Variants in NLRP12 observed in about 807,000 individuals in gnomAD.
NLRP12 encodes NLR family pyrin domain containing 12.
Under a neutral mutation model 91.2 loss-of-function variants are expected in NLRP12, and 108 were observed. The observed-to-expected ratio is 1.18, with a 90% confidence interval of 1.01 to 1.39. The LOEUF (loss-of-function observed/expected upper bound fraction) is 1.39, where lower values mean the gene tolerates loss of function less well. Among genes scored for constraint, NLRP12 ranks in the 40% most tolerant of loss-of-function variants. The pLI, the probability that NLRP12 is intolerant of heterozygous loss-of-function variation, is 0.00. For synonymous variants in NLRP12, 613 were observed against 566.7 expected, an observed-to-expected ratio of 1.08 and a Z score of -1.16; for missense variants, 1,530 against 1,352.7, an observed-to-expected ratio of 1.13 and a Z score of -2.06.
At chr19:53,809,426 G>A (rs976136615) in intron 3 of NLRP12, among the ~76,000 whole-genome samples, 161 bp downstream of exon 3, 8 of 149,600 alleles carry the variant, frequency 5.3e-5, no homozygotes, top group Admixed American at 2.7e-4. Flanking sequence ...AGCTACTTGG[G>A]AGGCTGAAGC....
chr19:53,808,397 C>T (rs562864662), intron 3 of NLRP12: 1 of 157,550 alleles, frequency 6.3e-6, no homozygotes, highest in Non-Finnish European at 1.4e-5. Flanking sequence ...TTCACACAGT[C>T]TTCTGTCTAC....
At chr19:53,794,568 C>T (rs760625627) in intron 9 of NLRP12, among the ~76,000 whole-genome samples, 3 of 42,738 alleles carry the variant, frequency 7.0e-5, no homozygotes, top group South Asian at 1.0e-3. Context: ...GATCCGCCCA[C>T]CTCGGCCTCC....
At position 53,811,132 on chromosome 19, in the gene NLRP12, AGCT is replaced by A. The variant is rs1169652724; in HGVS notation, c.524_526del (p.Gln175del). 1.9e-6 allele frequency: 3 copies of A among 1,613,960 alleles called. No homozygotes were observed. Among genetic ancestry groups the A allele is most frequent in the Admixed American group, 1.7e-5 (1 of 59,966 alleles). Reference sequence around the variant, plus strand: ...CGCGTGTCCCCGGCCTGTGTCCAGAAGCTGCTGCTGGACCTGCATGGGGTTTGA... The same window carrying A: ...CGCGTGTCCCCGGCCTGTGTCCAGAAGCTGCTGGACCTGCATGGGGTTTGA... On this transcript the variant is annotated inframe_deletion, in exon 3 of 10. Coordinates refer to ENST00000324134, the MANE Select transcript of NLRP12 (RefSeq NM_144687.4).
In NLRP12 at chr19:53,793,970, C is replaced by T. The variant is rs1472082253; in HGVS notation, c.*79G>A. On this transcript the variant is annotated 3_prime_UTR_variant, in exon 10 of 10. Transcript: ENST00000324134. ...GTCTGTCTCTAGGAAGGAGGCTGAT[C>T]ATTATGCTGGGGGGGTGATGAGCAC... is the stretch of plus-strand genomic sequence containing the variant. The T allele has an allele frequency of 1.9e-5, 18 of 967,226 alleles. No individual in the cohort carries two copies. The East Asian group carries it at 4.0e-4, about 22-fold the overall frequency. The allele number at this position is 967,226 out of a possible 1,614,324, so 59.9% of individuals were successfully genotyped here. A position where few individuals can be genotyped will look rare whatever the true frequency, so the allele number is the denominator to read the frequency against.
intron 1 of NLRP12, among the ~76,000 whole-genome samples, chr19:53,817,682 G>A (rs995304210): frequency 1.3e-5 from 2 of 152,016 alleles, no homozygotes; most frequent in Non-Finnish European, 2.9e-5. Flanking sequence ...GTTGCAGTGA[G>A]CCGAGATCGC....
At chr19:53,797,033 C>T (rs2091776720) in intron 8 of NLRP12, among the ~76,000 whole-genome samples, 1 of 151,914 alleles carries the variant, frequency 6.6e-6, no homozygotes, top group Non-Finnish European at 1.5e-5. Context: ...TCATCCCATT[C>T]TAAGTCCTTC....
At chr19:53,812,627 C>T (rs574405040) in intron 2 of NLRP12, among the ~76,000 whole-genome samples, 8 of 152,054 alleles carry the variant, frequency 5.3e-5, no homozygotes, top group Admixed American at 1.3e-4. Context: ...CCCCGAAATG[C>T]CAACAGTGCC....
chr19:53,814,669 C>T (rs1038048208), intron 2 of NLRP12, among the ~76,000 whole-genome samples: 10 of 152,130 alleles, frequency 6.6e-5, no homozygotes, highest in Non-Finnish European at 1.3e-4. Flanking sequence ...TTCCTTGTTG[C>T]CCCTGCGTGT....
At chr19:53,818,712 A>G (rs1369331420) in intron 1 of NLRP12, among the ~76,000 whole-genome samples, 1 of 152,154 alleles carries the variant, frequency 6.6e-6, no homozygotes, top group Admixed American at 6.6e-5. Flanking sequence ...TGAAAATTGC[A>G]GCTGAAAAAG....
Position 53,810,287 on chromosome 19 carries a change from G to A in NLRP12, c.1372C>T (p.Gln458Ter), listed in dbSNP as rs757979953. The A allele has an allele frequency of 1.8e-5, 29 of 1,613,908 alleles. No homozygotes were observed. Among genetic ancestry groups the A allele is most frequent in the Non-Finnish European group, 2.4e-5 (28 of 1,180,034 alleles). ...GAPRLQPPPNQRGLCSLAADG... is the reference protein window; with the variant it reads ...GAPRLQPPPN ...GCCGCCAAGGAGCACAACCCTCTCTGGTTGGGTGGGGGCTGGAGGCGCGGG... is the reference window on the plus strand; with the variant it reads ...GCCGCCAAGGAGCACAACCCTCTCTAGTTGGGTGGGGGCTGGAGGCGCGGG... Residue 458 changes from glutamine (Q) to a stop codon, truncating the protein, a stop_gained, in exon 3 of 10, where the codon CAG (glutamine) becomes TAG (stop). Coordinates refer to ENST00000324134, the MANE Select transcript of NLRP12 (RefSeq NM_144687.4). LOFTEE classifies it high-confidence loss of function.
At chr19:53,823,229 T>C (rs1467358002) in intron 1 of NLRP12, among the ~76,000 whole-genome samples, 1 of 142,742 alleles carries the variant, frequency 7.0e-6, no homozygotes, top group Non-Finnish European at 1.5e-5. Context: ...TTTAATAATA[T>C]ATGTATTAAA....
chr19:53,802,787 T>C (rs1014469381), intron 6 of NLRP12, among the ~76,000 whole-genome samples: 1 of 152,160 alleles, frequency 6.6e-6, no homozygotes, highest in Non-Finnish European at 1.5e-5. Context: ...CTTTTTATTT[T>C]ATTAGGGACA....
At chr19:53,799,313 T>C (rs1363045576) in intron 7 of NLRP12, among the ~76,000 whole-genome samples, 1 of 151,694 alleles carries the variant, frequency 6.6e-6, no homozygotes, top group Admixed American at 6.6e-5. Context: ...CCCAGCCGCG[T>C]GTGTGATTTT....
In NLRP12 at chr19:53,798,360, A is replaced by T; in HGVS notation, c.2810T>A (p.Leu937His). ...SAACEGLSVV[L>H]QANHNLRELD... ...CTCCCGGAGGTTGTGGTTGGCCTGG[A>T]GCACCACAGAAAGACCCTCACAGGC... Residue 937 changes from leucine to histidine, a missense_variant, in exon 8 of 10, where the codon CTC becomes CAC. By Grantham distance (99) the Leu-to-His change is moderately conservative. Coordinates refer to ENST00000324134, the MANE Select transcript of NLRP12 (RefSeq NM_144687.4). The T allele has an allele frequency of 6.2e-7, 1 of 1,614,070 alleles. No individual in the cohort carries two copies. Among genetic ancestry groups the T allele is most frequent in the South Asian group, 1.1e-5 (1 of 91,086 alleles).
chr19:53,795,107 C>CTGTGTGT (rs1555792119), intron 9 of NLRP12, among the ~76,000 whole-genome samples: 1,256 of 85,486 alleles, frequency 0.015, 7 homozygotes, highest in Middle Eastern at 0.046. Flanking sequence ...CTGGTGTGTG[C>CTGTGTGT]GTGTGTGTGT....
At chr19:53,811,817 G>A (rs1009062011) in intron 2 of NLRP12, among the ~76,000 whole-genome samples, 5 of 151,876 alleles carry the variant, frequency 3.3e-5, no homozygotes, top group South Asian at 2.1e-4. Context: ...TGCCCACCTC[G>A]GCCTTCCAAA....
At chr19:53,799,985 G>A (rs998732660) in intron 7 of NLRP12, among the ~76,000 whole-genome samples, 5 of 151,874 alleles carry the variant, frequency 3.3e-5, no homozygotes, top group African/African-American at 1.2e-4. Flanking sequence ...GCAACAAATC[G>A]AGACCTTGTC....
intron 7 of NLRP12, among the ~76,000 whole-genome samples, chr19:53,800,675 C>T (rs1037193650): frequency 6.6e-6 from 1 of 152,006 alleles, no homozygotes; most frequent in Admixed American, 6.6e-5. Context: ...TTCCACCTCC[C>T]GGGTTCAACG....
intron 6 of NLRP12, among the ~76,000 whole-genome samples, chr19:53,801,721 C>T (rs557151215): frequency 2.0e-5 from 3 of 151,878 alleles, no homozygotes; most frequent in African/African-American, 7.2e-5. Context: ...TCCCAAAGGA[C>T]TGGAATTACA....
Sources: allele counts gnomAD v4.1 joint callset (sites outside exome capture counted in the v4.1 genomes callset), GRCh38; gene constraint gnomAD v4.1.1; transcripts MANE v1.5; gene names NCBI Gene and HGNC (gene_info 2026-07-23, HGNC 2026-07-21).